ARHGEF7: variants seen among roughly 807,000 people sequenced by gnomAD.
ARHGEF7 encodes Rho guanine nucleotide exchange factor 7.
In ARHGEF7, 33 loss-of-function variants were observed where a neutral mutation model predicts 109.8. That is an observed-to-expected ratio of 0.30 (90% CI 0.23 to 0.40). The LOEUF (loss-of-function observed/expected upper bound fraction) is 0.40. Among genes scored for constraint, ARHGEF7 ranks in the 10% least tolerant of loss-of-function variants. The pLI, the probability that ARHGEF7 is intolerant of heterozygous loss-of-function variation, is 1.00. For synonymous variants in ARHGEF7, 458 were observed against 424.6 expected (o/e 1.08, Z -0.97); for missense variants, 938 against 1,098.5 (o/e 0.85, Z 2.07).
chr13:111,197,520 A>G (rs1594597474), intron 2 of ARHGEF7, among the ~76,000 whole-genome samples: 1 of 152,336 alleles, frequency 6.6e-6, no homozygotes, highest in East Asian at 1.9e-4. Context: ...TTGGGACTTT[A>G]CTTGTGTCCT....
intron 6 of ARHGEF7, among the ~76,000 whole-genome samples, chr13:111,241,809 G>C (rs1409520956): frequency 1.3e-5 from 2 of 152,156 alleles, no homozygotes; most frequent in Admixed American, 1.3e-4. Context: ...TGGTAAGTTG[G>C]TATCCAATAT....
At chr13:111,155,554 C>T (rs1447966181) in intron 2 of ARHGEF7, among the ~76,000 whole-genome samples, 1 of 152,202 alleles carries the variant, frequency 6.6e-6, no homozygotes, top group Non-Finnish European at 1.5e-5. Context: ...TTCCCTGATA[C>T]CCTTTGTCGT....
chr13:111,293,649 G>A lies in ARHGEF7; in HGVS notation c.2311+1355G>A, dbSNP rs533518417. The A allele has an allele frequency of 7.8e-4, 767 of 985,166 alleles. 1 individual carries two copies. Among genetic ancestry groups the A allele is most frequent in the Non-Finnish European group, 9.0e-4 (748 of 829,906 alleles). 61.0% of individuals were successfully genotyped at this position (985,166 alleles called of 1,614,324 possible). A position where few individuals can be genotyped will look rare whatever the true frequency, so the allele number is the denominator to read the frequency against. ...ATTTGGTGTTAAAATGGAACCTTAC[G>A]GTTGTGTTTTAAGTATTCATTGAAA... On this transcript the variant is annotated intron_variant, in intron 19 of 21. Coordinates refer to ENST00000646102, the MANE Select transcript of ARHGEF7 (RefSeq NM_001354046.2).
In ARHGEF7 at chr13:111,131,279, CAG is replaced by C. The variant is rs367980031; in HGVS notation, c.165+15589_165+15590del. On this transcript the variant is annotated intron_variant, in intron 1 of 21. Transcript: ENST00000646102. The surrounding 1 kb of genome is among the most constrained non-coding windows in gnomAD (Gnocchi z 4.4). Reference sequence around the variant, plus strand: ...CCAGGAGGGTGCGGCGGCGGGCAGACAGGGGGACAGTGATTTGGGTGACTCCT... The same window carrying C: ...CCAGGAGGGTGCGGCGGCGGGCAGACGGGGACAGTGATTTGGGTGACTCCT... Among the ~76,000 whole-genome samples the C allele has an allele frequency of 4.6e-5, 7 of 152,046 alleles. No individual in the cohort carries two copies. Among genetic ancestry groups the C allele is most frequent in the Admixed American group, 1.3e-4 (2 of 15,288 alleles).
chr13:111,285,921 TAAAAA>T (rs544234337), intron 16 of ARHGEF7, among the ~76,000 whole-genome samples: 76 of 145,596 alleles, frequency 5.2e-4, no homozygotes, highest in Middle Eastern at 3.4e-3. Context: ...TTATTAGAAT[TAAAAA>T]AAAAAAATTA....
At chr13:111,221,456 G>GAT (rs374408200) in intron 5 of ARHGEF7, among the ~76,000 whole-genome samples, 7 of 71,552 alleles carry the variant, frequency 9.8e-5, no homozygotes, top group African/African-American at 3.7e-4. Context: ...TATATATATA[G>GAT]ATATATAGAC....
chr13:111,166,119 T>G (rs530752110), intron 2 of ARHGEF7, among the ~76,000 whole-genome samples: 85 of 152,326 alleles, frequency 5.6e-4, no homozygotes, highest in Non-Finnish European at 9.3e-4. Flanking sequence ...TCCACATCCC[T>G]CACCTGGATC....
intron 5 of ARHGEF7, among the ~76,000 whole-genome samples, chr13:111,221,619 T>C: frequency 9.3e-6 from 1 of 108,096 alleles, no homozygotes; most frequent in South Asian, 3.3e-4. Context: ...CCCCTTTATA[T>C]GTATATATAT....
intron 16 of ARHGEF7, among the ~76,000 whole-genome samples, chr13:111,284,298 CG>C (rs1451670807): frequency 6.6e-6 from 1 of 152,098 alleles, no homozygotes; most frequent in Non-Finnish European, 1.5e-5. Context: ...ACATTCTTGC[CG>C]GCAGCCCTGG....
chr13:111,168,830 C>A (rs1029232238), intron 2 of ARHGEF7, among the ~76,000 whole-genome samples: 1 of 152,148 alleles, frequency 6.6e-6, no homozygotes, highest in Non-Finnish European at 1.5e-5. Context: ...GAATAGGTTC[C>A]TTGATGACTG....
At chr13:111,186,294 T>C (rs928798812) in intron 2 of ARHGEF7, among the ~76,000 whole-genome samples, 2 of 152,200 alleles carry the variant, frequency 1.3e-5, no homozygotes, top group African/African-American at 4.8e-5. Flanking sequence ...GGTTACTTCT[T>C]TTTTGAAGAT....
At chr13:111,158,648 C>T (rs1327829327) in intron 2 of ARHGEF7, among the ~76,000 whole-genome samples, 1 of 152,212 alleles carries the variant, frequency 6.6e-6, no homozygotes, top group South Asian at 2.1e-4. Context: ...TTTGGTCTCT[C>T]AGATCAACAG....
intron 1 of ARHGEF7, among the ~76,000 whole-genome samples, chr13:111,129,447 A>G (rs2074622780): frequency 6.6e-6 from 1 of 152,266 alleles, no homozygotes; most frequent in African/African-American, 2.4e-5. Context: ...AAGACAGTCT[A>G]TATATTGGAA....
At chr13:111,135,516 A>T (rs906895579) in intron 1 of ARHGEF7, among the ~76,000 whole-genome samples, 3 of 152,196 alleles carry the variant, frequency 2.0e-5, no homozygotes, top group Non-Finnish European at 4.4e-5. Context: ...GGTCCTTCAC[A>T]TCCCTTGTAA....
At chr13:111,117,347 C>A (rs963846025) in intron 1 of ARHGEF7, among the ~76,000 whole-genome samples, 1 of 152,134 alleles carries the variant, frequency 6.6e-6, no homozygotes, top group Non-Finnish European at 1.5e-5. Flanking sequence ...AAGAGAAGAA[C>A]GAATAAAATG....
chr13:111,184,539 G>A (rs138378736), intron 2 of ARHGEF7, among the ~76,000 whole-genome samples: 30 of 152,260 alleles, frequency 2.0e-4, no homozygotes, highest in South Asian at 1.3e-3. Flanking sequence ...TCCCAGCCCT[G>A]AAACCCTTAG....
At chr13:111,134,200 T>C (rs1300188531) in intron 1 of ARHGEF7, among the ~76,000 whole-genome samples, 5 of 152,172 alleles carry the variant, frequency 3.3e-5, no homozygotes, top group African/African-American at 9.6e-5. Context: ...CATTGTTGGA[T>C]ATTTGGGTTG....
chr13:111,213,683 T>G (rs1182855068), intron 4 of ARHGEF7, among the ~76,000 whole-genome samples: 1 of 152,030 alleles, frequency 6.6e-6, no homozygotes. Flanking sequence ...TCATGTTGAG[T>G]CCAGACAGGT....
At chr13:111,293,193 T>C in intron 19 of ARHGEF7, 1 of 985,404 alleles carries the variant, frequency 1.0e-6, no homozygotes, top group Non-Finnish European at 1.2e-6. Flanking sequence ...TACTGGACTG[T>C]AGTAGAGGCA....
Sources: allele counts gnomAD v4.1 joint callset (sites outside exome capture counted in the v4.1 genomes callset), GRCh38; gene constraint gnomAD v4.1.1; non-coding constraint Gnocchi (gnomAD v3.1); transcripts MANE v1.5; gene names NCBI Gene and HGNC (gene_info 2026-07-23, HGNC 2026-07-21).